MAN1A1: variants seen among roughly 807,000 people sequenced by gnomAD.
The protein encoded by MAN1A1 is mannosyl-oligosaccharide 1,2-alpha-mannosidase IA.
Under a neutral mutation model 70.8 loss-of-function variants are expected in MAN1A1, and 29 were observed. That is an observed-to-expected ratio of 0.41 (90% CI 0.31 to 0.56). The LOEUF (loss-of-function observed/expected upper bound fraction) is 0.56, where lower values mean the gene tolerates loss of function less well. Among genes scored for constraint, MAN1A1 ranks in the 20% least tolerant of loss-of-function variants. The pLI, the probability that MAN1A1 is intolerant of heterozygous loss-of-function variation, is 0.29. For synonymous variants in MAN1A1, 349 were observed against 330.1 expected, an observed-to-expected ratio of 1.06 and a Z score of -0.62; for missense variants, 747 against 841.3, an observed-to-expected ratio of 0.89 and a Z score of 1.39.
intron 5 of MAN1A1, among the ~76,000 whole-genome samples, chr6:119,252,564 C>T (rs755095130): frequency 7.9e-5 from 12 of 152,024 alleles, no homozygotes; most frequent in Non-Finnish European, 1.5e-4. Flanking sequence ...GAGGTGGAGG[C>T]GGGTGGATCA....
intron 6 of MAN1A1, among the ~76,000 whole-genome samples, chr6:119,241,919 TG>T (rs1775015675): frequency 6.6e-6 from 1 of 150,802 alleles, no homozygotes; most frequent in African/African-American, 2.4e-5. Context: ...TGTGTGTGTG[TG>T]TGTTTGTGTA....
intron 5 of MAN1A1, among the ~76,000 whole-genome samples, chr6:119,263,177 A>G (rs1335297245): frequency 6.6e-6 from 1 of 152,032 alleles, no homozygotes; most frequent in Non-Finnish European, 1.5e-5. Context: ...TGTAAGTTTT[A>G]TATGTAAAAG....
At chr6:119,336,629 T>C (rs537167104) in intron 2 of MAN1A1, among the ~76,000 whole-genome samples, 5 of 152,270 alleles carry the variant, frequency 3.3e-5, no homozygotes, top group East Asian at 1.9e-4. Context: ...AATTGGGAAA[T>C]AGAAAACCAA....
At chr6:119,236,619 A>G (rs1774852508) in intron 6 of MAN1A1, among the ~76,000 whole-genome samples, 1 of 151,532 alleles carries the variant, frequency 6.6e-6, no homozygotes, top group Non-Finnish European at 1.5e-5. Flanking sequence ...GAGGCAGAAG[A>G]ATGGCTTACA....
chr6:119,295,357 T>C (rs1370512874), intron 4 of MAN1A1, among the ~76,000 whole-genome samples: 1 of 152,160 alleles, frequency 6.6e-6, no homozygotes, highest in East Asian at 1.9e-4. Context: ...AATAACAGGC[T>C]TGACAATGAA....
chr6:119,237,481 T>C (rs1282127447), intron 6 of MAN1A1, among the ~76,000 whole-genome samples: 2 of 152,188 alleles, frequency 1.3e-5, no homozygotes, highest in African/African-American at 4.8e-5. Context: ...GAGTCACTGC[T>C]GCCGTCAGTC....
chr6:119,300,390 G>T (rs1041645741), intron 4 of MAN1A1, among the ~76,000 whole-genome samples: 11 of 151,776 alleles, frequency 7.2e-5, no homozygotes, highest in African/African-American at 2.7e-4. Flanking sequence ...TGAGTAGCTG[G>T]GATTACAGGC....
At chr6:119,261,134 A>C (rs1408214746) in intron 5 of MAN1A1, among the ~76,000 whole-genome samples, 8 of 151,312 alleles carry the variant, frequency 5.3e-5, no homozygotes, top group Non-Finnish European at 1.2e-4. Context: ...GCCTGCCACC[A>C]TGCCCGGCTA....
chr6:119,247,073 C>A (rs1179140008), intron 6 of MAN1A1, among the ~76,000 whole-genome samples: 1 of 152,014 alleles, frequency 6.6e-6, no homozygotes, highest in East Asian at 1.9e-4. Flanking sequence ...CATGGCATCT[C>A]ACAAATTTGT....
At position 119,335,540 on chromosome 6, in the gene MAN1A1, A is replaced by G. The variant is rs553168085; in HGVS notation, c.603+12923T>C. Among the ~76,000 whole-genome samples, 4 of 152,294 alleles carry G rather than the reference A, an allele frequency of 2.6e-5. No homozygotes were observed. In the South Asian group the frequency reaches 6.2e-4, roughly 24 times the overall value. On this transcript the variant is annotated intron_variant, in intron 2 of 12. Coordinates refer to ENST00000368468, the MANE Select transcript of MAN1A1 (RefSeq NM_005907.4). ...AAATTCTGGGCCACGGACCTATGAG[A>G]TAAAAAAGGTGTCCCCACTTCTAGG...
At chr6:119,349,457 A>C in intron 1 of MAN1A1, 85 bp downstream of exon 1, 1 of 928,236 alleles carries the variant, frequency 1.1e-6, no homozygotes, top group Non-Finnish European at 1.3e-6. Context: ...GGGTGAAGTT[A>C]TCAGGTCCCG....
intron 5 of MAN1A1, among the ~76,000 whole-genome samples, chr6:119,283,696 G>C (rs1776280848): frequency 6.6e-6 from 1 of 152,028 alleles, no homozygotes; most frequent in South Asian, 2.1e-4. Context: ...AGATGGGCTT[G>C]GTGCGTTTTT....
intron 2 of MAN1A1, among the ~76,000 whole-genome samples, chr6:119,343,047 AAAG>A (rs964361554): frequency 6.6e-5 from 10 of 152,200 alleles, no homozygotes; most frequent in South Asian, 2.1e-4. Flanking sequence ...GTGTCTTTAC[AAAG>A]AAGAAGATTT....
At chr6:119,332,417 T>C (rs1308088008) in intron 2 of MAN1A1, among the ~76,000 whole-genome samples, 4 of 152,352 alleles carry the variant, frequency 2.6e-5, no homozygotes, top group Non-Finnish European at 4.4e-5. Context: ...GTTTTAACTG[T>C]TGCCTCTGTT....
At chr6:119,297,735 C>CCTTTTT (rs1772255970) in intron 4 of MAN1A1, among the ~76,000 whole-genome samples, 2 of 95,686 alleles carry the variant, frequency 2.1e-5, no homozygotes, top group African/African-American at 8.1e-5. Flanking sequence ...AAATAGTTTC[C>CCTTTTT]TTTTTTTTTT....
At chr6:119,307,721 A>C (rs1425771985) in intron 2 of MAN1A1, among the ~76,000 whole-genome samples, 1 of 152,188 alleles carries the variant, frequency 6.6e-6, no homozygotes, top group East Asian at 1.9e-4. Flanking sequence ...AATGACTCAA[A>C]GAACACATAT....
intron 7 of MAN1A1, among the ~76,000 whole-genome samples, chr6:119,202,622 A>T (rs776275423): frequency 1.6e-4 from 25 of 152,314 alleles, no homozygotes; most frequent in Admixed American, 4.6e-4. Flanking sequence ...TGTTTATGCC[A>T]TCACCACCAC....
Position 119,252,343 on chromosome 6 carries a change from AT to A in MAN1A1, c.898-3990del, listed in dbSNP as rs535030361. 2.2e-3 allele frequency among the ~76,000 whole-genome samples: 339 copies of A among 152,154 alleles called. 2 individuals are homozygous for A. The highest frequency in any genetic ancestry group is 4.2e-3 in the Non-Finnish European group (288 of 67,988). On this transcript the variant is annotated intron_variant, in intron 5 of 12. Coordinates refer to ENST00000368468, the MANE Select transcript of MAN1A1 (RefSeq NM_005907.4). Reference sequence around the variant, plus strand: ...ATGAATTATTGTTTATTTTATGTTGATTTTAGACTATGGAAAGGATGTTAGA... The same window carrying A: ...ATGAATTATTGTTTATTTTATGTTGATTTAGACTATGGAAAGGATGTTAGA...
chr6:119,258,259 A>G (rs925735610), intron 5 of MAN1A1, among the ~76,000 whole-genome samples: 1 of 152,190 alleles, frequency 6.6e-6, no homozygotes, highest in African/African-American at 2.4e-5. Flanking sequence ...GAAAAAGACA[A>G]AAGAAAAAAT....
Sources: allele counts gnomAD v4.1 joint callset (sites outside exome capture counted in the v4.1 genomes callset), GRCh38; gene constraint gnomAD v4.1.1; transcripts MANE v1.5; gene names NCBI Gene and HGNC (gene_info 2026-07-23, HGNC 2026-07-21).